Variants in RANBP10 observed in about 807,000 individuals in gnomAD.
RANBP10 encodes ran-binding protein 10.
Under a neutral mutation model 72.8 loss-of-function variants are expected in RANBP10, and 24 were observed. The observed-to-expected ratio is 0.33, with a 90% CI of 0.24 to 0.46. The LOEUF is 0.46. RANBP10 is among the 20% of genes least tolerant of loss of function. RANBP10 has a pLI of 1.00. For missense variants in RANBP10, 679 were observed against 817.5 expected, an observed-to-expected ratio of 0.83 and a Z score of 2.07; for synonymous variants, 310 against 322.3, an observed-to-expected ratio of 0.96 and a Z score of 0.41.
chr16:67,801,401 G>A (rs916074635), intron 2 of RANBP10, among the ~76,000 whole-genome samples: 9 of 152,126 alleles, frequency 5.9e-5, no homozygotes, highest in Non-Finnish European at 1.2e-4. Context: ...CAGCAGCATG[G>A]ACATGTGTGT....
intron 2 of RANBP10, among the ~76,000 whole-genome samples, chr16:67,797,167 C>T (rs1368862064): frequency 6.6e-6 from 1 of 152,224 alleles, no homozygotes; most frequent in African/African-American, 2.4e-5. Flanking sequence ...CACCATGACC[C>T]ATACAGGGAA....
chr16:67,758,455 G>A (rs527735820), intron 3 of RANBP10, among the ~76,000 whole-genome samples: 5 of 152,280 alleles, frequency 3.3e-5, no homozygotes, highest in Admixed American at 1.3e-4. Context: ...GTGGCTCTGC[G>A]TACATCGTTG....
intron 2 of RANBP10, among the ~76,000 whole-genome samples, chr16:67,797,890 TCA>T (rs1244257774): frequency 2.0e-5 from 3 of 149,372 alleles, no homozygotes; most frequent in Non-Finnish European, 4.4e-5. Flanking sequence ...CTCAAGAGTC[TCA>T]GGTAGGAAGA....
chr16:67,752,078 A>G (rs2054208316), intron 3 of RANBP10, among the ~76,000 whole-genome samples: 1 of 152,156 alleles, frequency 6.6e-6, no homozygotes, highest in Admixed American at 6.5e-5. Flanking sequence ...ATGATTTATC[A>G]ATTTTTACAG....
chr16:67,783,558 T>C (rs139070082), intron 2 of RANBP10, among the ~76,000 whole-genome samples: 1 of 152,162 alleles, frequency 6.6e-6, no homozygotes, highest in South Asian at 2.1e-4. Flanking sequence ...CTATGGGTCT[T>C]AGATTTCAAC....
intron 2 of RANBP10, among the ~76,000 whole-genome samples, chr16:67,791,149 G>A (rs2055018864): frequency 6.6e-6 from 1 of 151,994 alleles, no homozygotes; most frequent in Non-Finnish European, 1.5e-5. Flanking sequence ...AAGTAGCTGG[G>A]ACTGTAGGCG....
At position 67,727,364 on chromosome 16, in the gene RANBP10, C is replaced by T. The variant is rs1417042128; in HGVS notation, c.1695G>A (p.Arg565=). ...PVGQQLDPIQ[R]EPVCAALNSA... ...TGTTGAGGGCAGCACACACAGGTTC[C>T]CTCTGGATGGGGTCAAGCTGCTGGC... Residue 565 remains arginine (R), a synonymous_variant, in exon 13 of 14, where the codon AGG becomes AGA. Transcript: ENST00000317506. 1.2e-6 allele frequency: 2 copies of T among 1,613,676 alleles called. No homozygotes were observed. Among genetic ancestry groups the T allele is most frequent in the East Asian group, 2.2e-5 (1 of 44,882 alleles).
intron 6 of RANBP10, among the ~76,000 whole-genome samples, chr16:67,733,053 C>CAAAA (rs770521202): frequency 6.9e-5 from 3 of 43,794 alleles, no homozygotes; most frequent in African/African-American, 9.2e-5. Flanking sequence ...GACTCCATCT[C>CAAAA]AAAAAAAAAA....
At chr16:67,744,229 C>T (rs2054025163) in intron 4 of RANBP10, 59 bp downstream of exon 4, 2 of 1,574,208 alleles carry the variant, frequency 1.3e-6, no homozygotes, top group African/African-American at 2.7e-5. Flanking sequence ...GCCCCTGAGC[C>T]TCTCACCAAC....
At chr16:67,739,339 G>A (rs1010265239) in intron 4 of RANBP10, among the ~76,000 whole-genome samples, 1 of 152,176 alleles carries the variant, frequency 6.6e-6, no homozygotes, top group Non-Finnish European at 1.5e-5. Flanking sequence ...TTACAAAGGA[G>A]AAAAATAAGC....
chr16:67,731,385 T>C (rs768221843), intron 7 of RANBP10, 87 bp downstream of exon 7: 43 of 1,165,804 alleles, frequency 3.7e-5, no homozygotes, highest in Non-Finnish European at 5.1e-5. Context: ...AATGGACTCC[T>C]GACAGGTTAA....
intron 3 of RANBP10, among the ~76,000 whole-genome samples, chr16:67,746,239 T>G (rs994209294): frequency 1.6e-4 from 24 of 152,082 alleles, no homozygotes; most frequent in African/African-American, 4.3e-4. Flanking sequence ...CCCAGCACTT[T>G]GGGAGGACGA....
Position 67,744,308 on chromosome 16 carries a change from G to T in RANBP10, c.548C>A (p.Thr183Asn), listed in dbSNP as rs1376993630. 1.2e-6 allele frequency: 2 copies of T among 1,614,076 alleles called. No individual in the cohort carries two copies. The highest frequency in any genetic ancestry group is 1.7e-6 in the Non-Finnish European group (2 of 1,180,016). ...CACACCAAGGCTGTGGCCATTCTTG[G>T]TGTAGAAGCAGGTGCCATTGATGAG... ...VNLINGTCFY[T>N]KNGHSLGIAF... Residue 183 changes from threonine (T) to asparagine (N), a missense_variant, in exon 4 of 14, where the codon ACC becomes AAC. Physicochemically the swap from Thr to Asn is moderately conservative, Grantham distance 65 (BLOSUM62 0). Transcript: ENST00000317506.
intron 3 of RANBP10, among the ~76,000 whole-genome samples, chr16:67,757,468 G>C (rs1429644127): frequency 2.6e-5 from 4 of 152,184 alleles, no homozygotes; most frequent in Non-Finnish European, 2.9e-5. Flanking sequence ...GTGGAGGGAT[G>C]AGTGCTGCGC....
At chr16:67,762,384 G>C (rs1567695225) in intron 3 of RANBP10, 3 of 152,180 alleles carry the variant, frequency 2.0e-5, no homozygotes, top group Admixed American at 6.6e-5. Flanking sequence ...TTAGATACTA[G>C]TATCACTTTC....
chr16:67,761,476 C>T (rs998688642), intron 3 of RANBP10, among the ~76,000 whole-genome samples: 23 of 152,218 alleles, frequency 1.5e-4, no homozygotes, highest in African/African-American at 5.1e-4. Context: ...GTACTAAACA[C>T]GCCTATTCAA....
intron 13 of RANBP10, among the ~76,000 whole-genome samples, chr16:67,726,946 G>T (rs2053613539): frequency 6.6e-6 from 1 of 152,194 alleles, no homozygotes; most frequent in Admixed American, 6.5e-5. Flanking sequence ...GGCCAATTGG[G>T]GTGGGGGTTG....
chr16:67,728,740 CTG>C (rs1378009936), intron 10 of RANBP10: 1 of 734,294 alleles, frequency 1.4e-6, no homozygotes, highest in African/African-American at 1.8e-5. Flanking sequence ...AGTGCTGCCT[CTG>C]TGATTCTCCC....
chr16:67,770,639 G>C (rs2054591252), intron 3 of RANBP10, among the ~76,000 whole-genome samples: 1 of 152,188 alleles, frequency 6.6e-6, no homozygotes, highest in African/African-American at 2.4e-5. Context: ...GCTGATTCAA[G>C]GGACCAATGG....
Sources: gnomAD v4.1 joint callset for allele counts (sites outside exome capture counted in the v4.1 genomes callset) on GRCh38, gnomAD v4.1.1 for gene constraint, MANE v1.5 for transcripts, NCBI Gene and HGNC (gene_info 2026-07-23, HGNC 2026-07-21) for gene names.